Variants in TOP3B observed in about 807,000 individuals in gnomAD.
The protein encoded by TOP3B is DNA topoisomerase 3-beta-1.
Under a neutral mutation model 93.9 loss-of-function variants are expected in TOP3B, and 45 were observed. The observed-to-expected ratio is 0.48, with a 90% CI of 0.38 to 0.61. The LOEUF (loss-of-function observed/expected upper bound fraction) is 0.61, where lower values mean the gene tolerates loss of function less well. Ranked by LOEUF, TOP3B falls within the 20% of genes least tolerant of loss-of-function variation. The pLI is 0.00. For missense variants in TOP3B, 750 were observed against 1,156.1 expected (o/e 0.65, Z 5.09); for synonymous variants, 357 against 472.6 (o/e 0.76, Z 3.17).
Position 21,962,221 on chromosome 22 carries a change from G to T in TOP3B, c.1525+208C>A. 1.0e-5 allele frequency: 15 copies of T among 1,501,822 alleles called. 1 individual carries two copies. The highest frequency in any genetic ancestry group is 2.4e-4 in the Middle Eastern group (1 of 4,252). The allele number at this position is 1,501,822 out of a possible 1,614,324, so 93.0% of individuals were successfully genotyped here. A position where few individuals can be genotyped will look rare whatever the true frequency, so the allele number is the denominator to read the frequency against. ...GGCACATCTGGGCCTTCACAGGGAA[G>T]GCCAGGTCCTGAATGGAGGCCTCAG... On this transcript the variant is annotated intron_variant, in intron 13 of 17. Coordinates refer to ENST00000357179, the MANE Select transcript of TOP3B (RefSeq NM_001282112.2).
rs998834101 is a variant in TOP3B, at chr22:21,971,771, T to C, written c.384+106A>G. 7 of 962,644 alleles carry C rather than the reference T, an allele frequency of 7.3e-6. No individual in the cohort carries two copies. The highest frequency in any genetic ancestry group is 1.9e-5 in the Admixed American group (1 of 54,006). The allele number at this position is 962,644 out of a possible 1,614,324, so 59.6% of individuals were successfully genotyped here. ...GAGGTGTTTTTAAACCGGTACAGTT[T>C]ACTCCCTCCTTTGGCCCCAGGAGTG... On this transcript the variant is annotated intron_variant, in intron 5 of 17. Coordinates refer to ENST00000357179, the MANE Select transcript of TOP3B (RefSeq NM_001282112.2). The surrounding 1 kb of genome is among the most constrained non-coding windows in gnomAD (Gnocchi z 4.6).
chr22:21,980,696 C>G (rs2084611010), intron 1 of TOP3B, among the ~76,000 whole-genome samples: 1 of 152,222 alleles, frequency 6.6e-6, no homozygotes, highest in Non-Finnish European at 1.5e-5. Flanking sequence ...CTGCATCTCC[C>G]AAGGCTCTGC....
chr22:21,976,764 A>C (rs2145880301), intron 1 of TOP3B: 1 of 152,354 alleles, frequency 6.6e-6, no homozygotes, highest in East Asian at 1.9e-4. Context: ...CTGCTAGCCA[A>C]GTAAAAGAAA....
intron 17 of TOP3B, chr22:21,957,850 C>G (rs1224991534): frequency 1.3e-6 from 2 of 1,528,630 alleles, no homozygotes; most frequent in East Asian, 2.5e-5. Flanking sequence ...CTGACTCCAT[C>G]CCCCCTTTGC....
At chr22:21,975,847 A>T in intron 1 of TOP3B, 40 bp from the exon 2 acceptor site, 1 of 1,250,006 alleles carries the variant, frequency 8.0e-7, no homozygotes, top group Non-Finnish European at 1.0e-6. Flanking sequence ...CAATGCTGTC[A>T]ATAGAACCTA....
chr22:21,970,556 C>T lies in TOP3B; in HGVS notation c.385-150G>A. 2.6e-6 allele frequency: 2 copies of T among 777,712 alleles called. No individual in the cohort carries two copies. The highest frequency in any genetic ancestry group is 3.4e-5 in the South Asian group (2 of 58,354). The allele number at this position is 777,712 out of a possible 1,614,324, so 48.2% of individuals were successfully genotyped here. ...GCCAGACCCTCCTCTATCCCCTTTC[C>T]TGCACCTGCCAGACCCTCCTCTATC... is the stretch of plus-strand genomic sequence containing the variant. On this transcript the variant is annotated intron_variant, in intron 5 of 17. Coordinates refer to ENST00000357179, the MANE Select transcript of TOP3B (RefSeq NM_001282112.2). The surrounding 1 kb of genome is among the most constrained non-coding windows in gnomAD (Gnocchi z 4.4).
chr22:21,957,961 G>A lies in TOP3B; in HGVS notation c.2108-366C>T. ...ACTCTGGCGGCAGCAGGAGGGCAGG[G>A]ATGGGGTCTCACTCCCGGGGCAGCC... On this transcript the variant is annotated intron_variant, in intron 17 of 17. Transcript: ENST00000357179. 2.9e-6 allele frequency: 4 copies of A among 1,395,414 alleles called. 1 individual carries two copies. The highest frequency in any genetic ancestry group is 2.5e-5 in the South Asian group (2 of 81,630). 86.4% of individuals were successfully genotyped at this position (1,395,414 alleles called of 1,614,324 possible). A position where few individuals can be genotyped will look rare whatever the true frequency, so the allele number is the denominator to read the frequency against.
intron 1 of TOP3B, chr22:21,976,724 T>C (rs2071886669): frequency 6.6e-6 from 1 of 152,222 alleles, no homozygotes; most frequent in Admixed American, 6.5e-5. Flanking sequence ...TTGCAACAGC[T>C]TTCTGTGCCT....
At chr22:21,965,692 C>A (rs1165368794) in intron 8 of TOP3B, 5 of 173,426 alleles carry the variant, frequency 2.9e-5, no homozygotes, top group Non-Finnish European at 4.9e-5. Context: ...GATGGTGAAA[C>A]CCCGTCTCTA....
chr22:21,971,950 A>G lies in TOP3B; in HGVS notation c.311T>C (p.Val104Ala). The change falls in exon 5 of 18, where the codon GTG (valine) becomes GCG (alanine). Residue 104 changes from valine (V) to alanine (A), a missense_variant and splice_region_variant. By Grantham distance (64) the Val-to-Ala change is moderately conservative. This residue lies in a region of TOP3B where 737 missense variants were observed against 933.7 expected (regional missense o/e 0.79). Transcript: ENST00000357179. The surrounding 1 kb of genome is among the most constrained non-coding windows in gnomAD (Gnocchi z 4.6). ...PKLNMVKFLQ[V>A]EGRGCDYIVL... ...GATGTAGTCGCAGCCTCTGCCCTCC[A>G]CCTGCCACACAGCACAGGTTCACAC... is the stretch of plus-strand genomic sequence containing the variant. 1 of 1,606,736 alleles carries G rather than the reference A, an allele frequency of 6.2e-7. No homozygotes were observed. Among genetic ancestry groups the G allele is most frequent in the South Asian group, 1.1e-5 (1 of 90,544 alleles).
chr22:21,982,391 T>A (rs2084651764), intron 1 of TOP3B: 1 of 152,230 alleles, frequency 6.6e-6, no homozygotes, highest in South Asian at 2.1e-4. Context: ...CTGCACAGCT[T>A]CCCTGAGCCT....
chr22:21,968,608 A>G lies in TOP3B; in HGVS notation c.738+11T>C. ...AGAAAGCCCCAGCATGAATAGAGAAAGGCAAGGAACCTTGGCCTGCAGCAC... is the reference window on the plus strand; with the variant it reads ...AGAAAGCCCCAGCATGAATAGAGAAGGGCAAGGAACCTTGGCCTGCAGCAC... On this transcript the variant is annotated intron_variant, in intron 7 of 17. Transcript: ENST00000357179. 4 of 1,613,542 alleles carry G rather than the reference A, an allele frequency of 2.5e-6. No individual in the cohort carries two copies. Among genetic ancestry groups the G allele is most frequent in the Non-Finnish European group, 3.4e-6 (4 of 1,179,720 alleles).
In TOP3B at chr22:21,963,457, G is replaced by A. The variant is rs1409912102; in HGVS notation, c.1204+466C>T. On this transcript the variant is annotated intron_variant, in intron 11 of 17. Coordinates refer to ENST00000357179, the MANE Select transcript of TOP3B (RefSeq NM_001282112.2). The surrounding 1 kb of genome is among the most constrained non-coding windows in gnomAD (Gnocchi z 4.8). ...CAACCTCCTGTCCCTGCTTCTGGCG[G>A]GACTGCTCTTCAGGCATTGGCCTGT... 1 of 178,542 alleles carries A rather than the reference G, an allele frequency of 5.6e-6. No homozygotes were observed. The highest frequency in any genetic ancestry group is 2.4e-5 in the African/African-American group (1 of 41,952). The allele number at this position is 178,542 out of a possible 1,614,324, so 11.1% of individuals were successfully genotyped here.
intron 9 of TOP3B, chr22:21,965,065 C>G: frequency 5.0e-6 from 2 of 396,494 alleles, no homozygotes; most frequent in East Asian, 7.4e-5. Context: ...GGCCTCTCCC[C>G]TCACCAGGGA....
rs2071029648 is a variant in TOP3B, at chr22:21,958,598, A to G, written c.2001T>C (p.Pro667=). 2.5e-6 allele frequency: 4 copies of G among 1,613,924 alleles called. No homozygotes were observed. The East Asian group carries it at 8.9e-5, about 36-fold the overall frequency. Residue 667 remains proline, a synonymous_variant, in exon 17 of 18, where the codon CCT becomes CCC. Transcript: ENST00000357179. ...TIKLYKELRC[P]LDDFELVLWS... ...ACAGGACCAGCTCGAAGTCATCCAG[A>G]GGGCAGCGGAGCTCCTTGTAGAGCT...
chr22:21,962,310 C>T (rs776041310), intron 13 of TOP3B, 119 bp downstream of exon 13: 2 of 1,595,778 alleles, frequency 1.3e-6, no homozygotes, highest in East Asian at 4.5e-5. Flanking sequence ...TTCCAGATAC[C>T]AGCCCATGGA....
intron 1 of TOP3B, among the ~76,000 whole-genome samples, chr22:21,980,216 G>C (rs1042681081): frequency 1.3e-5 from 2 of 152,202 alleles, no homozygotes; most frequent in Non-Finnish European, 2.9e-5. Context: ...GTGGGTGTTA[G>C]GGCCTGGAGG....
chr22:21,967,744 G>A (rs745583451), intron 7 of TOP3B, 28 bp from the exon 8 acceptor site: 17 of 1,583,790 alleles, frequency 1.1e-5, no homozygotes, highest in South Asian at 3.3e-5. Flanking sequence ...AAGGGTGAAC[G>A]CACAAGAAAA....
chr22:21,974,748 G>T, intron 2 of TOP3B: 1 of 333,486 alleles, frequency 3.0e-6, no homozygotes, highest in South Asian at 6.4e-5. Flanking sequence ...GGAGCAGGCA[G>T]GGGTGGGCTC....
Sources: allele counts gnomAD v4.1 joint callset (sites outside exome capture counted in the v4.1 genomes callset), GRCh38; gene constraint gnomAD v4.1.1; regional missense constraint gnomAD v4.1.1; non-coding constraint Gnocchi (gnomAD v3.1); transcripts MANE v1.5; gene names NCBI Gene and HGNC (gene_info 2026-07-23, HGNC 2026-07-21).